The following ATP8B4 variants were observed in gnomAD, a reference collection of about 807,000 sequenced individuals.
ATP8B4 encodes probable phospholipid-transporting ATPase IM.
ATP8B4 carries 133 observed loss-of-function variants against 145.6 expected under a neutral mutation model. That is an observed-to-expected ratio of 0.91 (90% CI 0.79 to 1.05). The LOEUF is 1.05. Ranked by LOEUF, ATP8B4 falls within the 50% of genes least tolerant of loss-of-function variation. The pLI is 0.00. For synonymous variants in ATP8B4, 507 were observed against 492.9 expected (o/e 1.03, Z -0.38); for missense variants, 1,458 against 1,425.2 (o/e 1.02, Z -0.37).
chr15:50,173,167 GC>G (rs1428017371), intron 1 of ATP8B4, among the ~76,000 whole-genome samples: 2 of 152,040 alleles, frequency 1.3e-5, no homozygotes, highest in Admixed American at 6.5e-5. Context: ...GAGCCCCTCT[GC>G]CCGGCCGCCA....
At chr15:50,138,420 TAG>T (rs1267050838) in intron 1 of ATP8B4, among the ~76,000 whole-genome samples, 2 of 128,420 alleles carry the variant, frequency 1.6e-5, no homozygotes, top group East Asian at 4.1e-4. Flanking sequence ...GATAGATAGA[TAG>T]AGAGATAGAC....
rs28726343 is a variant in ATP8B4, at chr15:49,906,398, A to G, written c.2142-5159T>C. Among the ~76,000 whole-genome samples, 973 of 152,316 alleles carry G rather than the reference A, an allele frequency of 6.4e-3. 17 individuals are homozygous for G. Among genetic ancestry groups the G allele is most frequent in the African/African-American group, 0.023 (937 of 41,578 alleles). On this transcript the variant is annotated intron_variant, in intron 20 of 27. Coordinates refer to ENST00000284509, the MANE Select transcript of ATP8B4 (RefSeq NM_024837.4). ...GCATACAAGTAGTTCACATTTCTCC[A>G]TATTCTTTCCACGTAATGACAGTTG...
chr15:50,105,422 T>C (rs1207959154), intron 2 of ATP8B4, among the ~76,000 whole-genome samples: 1 of 152,170 alleles, frequency 6.6e-6, no homozygotes, highest in African/African-American at 2.4e-5. Context: ...CTTTCAATTC[T>C]GTAAAATTCA....
intron 2 of ATP8B4, among the ~76,000 whole-genome samples, chr15:50,094,709 C>G (rs994709723): frequency 2.5e-4 from 24 of 94,796 alleles, no homozygotes; most frequent in African/African-American, 7.3e-4. Context: ...TATATATATA[C>G]TACTATATAT....
intron 20 of ATP8B4, among the ~76,000 whole-genome samples, chr15:49,908,826 C>T (rs776080728): frequency 5.9e-5 from 9 of 152,278 alleles, no homozygotes; most frequent in Admixed American, 3.3e-4. Flanking sequence ...CCCCACTACC[C>T]TTCCAGCAAC....
intron 2 of ATP8B4, among the ~76,000 whole-genome samples, chr15:50,086,932 TAG>T (rs1248023907): frequency 1.0e-5 from 1 of 98,234 alleles, no homozygotes; most frequent in Admixed American, 1.3e-4. Context: ...TAAAATAATA[TAG>T]AGATCTATAT....
intron 23 of ATP8B4, among the ~76,000 whole-genome samples, chr15:49,893,929 G>T (rs2037106928): frequency 6.6e-6 from 1 of 152,134 alleles, no homozygotes; most frequent in Non-Finnish European, 1.5e-5. Context: ...TAAATGTTAG[G>T]TATAATTATA....
intron 14 of ATP8B4, among the ~76,000 whole-genome samples, chr15:49,953,893 C>T (rs891474138): frequency 6.6e-6 from 1 of 152,148 alleles, no homozygotes; most frequent in Non-Finnish European, 1.5e-5. Flanking sequence ...GGGTAGCGTG[C>T]TCACTCACTG....
intron 26 of ATP8B4, among the ~76,000 whole-genome samples, chr15:49,862,935 C>G (rs998024164): frequency 6.6e-6 from 1 of 152,210 alleles, no homozygotes; most frequent in Non-Finnish European, 1.5e-5. Flanking sequence ...GCACAATTCT[C>G]TCTTCCAGCA....
At chr15:50,061,159 G>A (rs1362444279) in intron 3 of ATP8B4, among the ~76,000 whole-genome samples, 1 of 151,104 alleles carries the variant, frequency 6.6e-6, no homozygotes, top group Admixed American at 6.6e-5. Context: ...TCTGGACTTC[G>A]TTTTCAATCC....
chr15:50,044,354 G>A (rs2051556008), intron 5 of ATP8B4, among the ~76,000 whole-genome samples: 1 of 152,118 alleles, frequency 6.6e-6, no homozygotes, highest in Non-Finnish European at 1.5e-5. Flanking sequence ...GCTCTTTCTG[G>A]GCTTTAGTTT....
chr15:49,982,142 AG>A (rs896100475), intron 10 of ATP8B4, among the ~76,000 whole-genome samples: 1 of 152,154 alleles, frequency 6.6e-6, no homozygotes, highest in African/African-American at 2.4e-5. Context: ...TATAGGAGAA[AG>A]GGGGAAATTA....
chr15:49,918,690 C>A (rs1372768091), intron 19 of ATP8B4, 149 bp downstream of exon 19: 4 of 604,820 alleles, frequency 6.6e-6, no homozygotes, highest in African/African-American at 1.9e-5. Flanking sequence ...TCTTGCAATA[C>A]ATTAACTTCC....
intron 18 of ATP8B4, among the ~76,000 whole-genome samples, chr15:49,919,889 C>T (rs2040101265): frequency 6.6e-6 from 1 of 152,106 alleles, no homozygotes; most frequent in Non-Finnish European, 1.5e-5. Flanking sequence ...ACTGTAGCCC[C>T]ATTCTTCACA....
chr15:50,000,653 T>C (rs559109040), intron 8 of ATP8B4, among the ~76,000 whole-genome samples: 1 of 152,296 alleles, frequency 6.6e-6, no homozygotes, highest in South Asian at 2.1e-4. Context: ...GTCTGTAACT[T>C]ATCTTTAAGT....
chr15:49,867,661 C>T (rs557919259), intron 25 of ATP8B4, among the ~76,000 whole-genome samples: 1 of 152,228 alleles, frequency 6.6e-6, no homozygotes, highest in East Asian at 1.9e-4. Context: ...AATTACAACC[C>T]ATTTAAAAGG....
intron 6 of ATP8B4, among the ~76,000 whole-genome samples, chr15:50,016,331 T>C (rs1011628070): frequency 8.5e-5 from 13 of 152,192 alleles, no homozygotes; most frequent in African/African-American, 3.1e-4. Flanking sequence ...GAAAATGATT[T>C]CAAAGAAAGA....
At chr15:49,881,706 C>T (rs2035449292) in intron 23 of ATP8B4, among the ~76,000 whole-genome samples, 1 of 152,154 alleles carries the variant, frequency 6.6e-6, no homozygotes, top group Admixed American at 6.5e-5. Flanking sequence ...CTGGAACCCC[C>T]CTGGGTATTT....
intron 2 of ATP8B4, 56 bp downstream of exon 2, chr15:50,106,883 T>C: frequency 6.6e-7 from 1 of 1,522,566 alleles, no homozygotes; most frequent in South Asian, 1.3e-5. Flanking sequence ...CATGAAAAAA[T>C]TAAAATTATA....
Sources: allele counts gnomAD v4.1 joint callset (sites outside exome capture counted in the v4.1 genomes callset), GRCh38; gene constraint gnomAD v4.1.1; transcripts MANE v1.5; gene names NCBI Gene and HGNC (gene_info 2026-07-23, HGNC 2026-07-21).